Variants in RAI14 observed in about 807,000 individuals in gnomAD.
RAI14 encodes the protein ankycorbin.
A neutral mutation model predicts 115.4 loss-of-function variants in RAI14; 45 were observed. The observed-to-expected ratio is 0.39, with a 90% CI of 0.31 to 0.50. The LOEUF is 0.50. RAI14 is among the 20% of genes least tolerant of loss of function. RAI14 has a pLI of 0.85. For synonymous variants in RAI14, 371 were observed against 415.4 expected (o/e 0.89, Z 1.30); for missense variants, 939 against 1,131.2 (o/e 0.83, Z 2.44).
chr5:34,784,670 G>A (rs767001153), intron 3 of RAI14, among the ~76,000 whole-genome samples: 33 of 152,342 alleles, frequency 2.2e-4, no homozygotes, highest in Admixed American at 9.8e-4. Context: ...AATAACACCA[G>A]TAGGTGAATG....
rs772732814 is a variant in RAI14 at position 34,826,323 on chromosome 5, C to A, written c.2650-7C>A. On this transcript the variant is annotated splice_region_variant and splice_polypyrimidine_tract_variant and intron_variant, in intron 15 of 17. Coordinates refer to ENST00000265109, the MANE Select transcript of RAI14 (RefSeq NM_015577.3). The stretch of plus-strand genomic sequence containing the variant: ...TGTCTGCTAATACCATTTTCCTTTG[C>A]CCCTAGATAAATGAGATGTCGAAGG... 7.4e-6 allele frequency: 12 copies of A among 1,612,530 alleles called. No homozygotes were observed. Among genetic ancestry groups the A allele is most frequent in the Non-Finnish European group, 1.0e-5 (12 of 1,179,180 alleles).
intron 1 of RAI14, among the ~76,000 whole-genome samples, chr5:34,681,856 CTT>C (rs553263716): frequency 4.1e-5 from 5 of 122,178 alleles, no homozygotes; most frequent in Admixed American, 9.0e-5. Flanking sequence ...TTCTTTCTTT[CTT>C]TTTTTTTTTT....
chr5:34,724,237 A>G (rs1037692048), intron 2 of RAI14, among the ~76,000 whole-genome samples: 6 of 152,122 alleles, frequency 3.9e-5, no homozygotes, highest in African/African-American at 1.4e-4. Flanking sequence ...GCTGGTCTTG[A>G]ACTCCTGACC....
At chr5:34,685,437 A>G (rs1252782250) in intron 1 of RAI14, among the ~76,000 whole-genome samples, 1 of 152,134 alleles carries the variant, frequency 6.6e-6, no homozygotes, top group Non-Finnish European at 1.5e-5. Flanking sequence ...GAGTGATACA[A>G]TGGACTGTCA....
At chr5:34,664,993 ATATATATGTG>A (rs1475842258) in intron 1 of RAI14, among the ~76,000 whole-genome samples, 1 of 59,830 alleles carries the variant, frequency 1.7e-5, no homozygotes, top group African/African-American at 5.8e-5. Flanking sequence ...TCATATATAT[ATATATATGTG>A]TATATATATA....
chr5:34,679,417 C>T (rs2149869736), intron 1 of RAI14, among the ~76,000 whole-genome samples: 1 of 151,206 alleles, frequency 6.6e-6, no homozygotes, highest in Non-Finnish European at 1.5e-5. Flanking sequence ...GAAACCCTGA[C>T]CCTGCTAGGA....
chr5:34,769,426 G>A (rs1749861591), intron 3 of RAI14, among the ~76,000 whole-genome samples: 1 of 152,164 alleles, frequency 6.6e-6, no homozygotes, highest in African/African-American at 2.4e-5. Flanking sequence ...CTTACCCTCA[G>A]TATAATCTGA....
intron 1 of RAI14, among the ~76,000 whole-genome samples, chr5:34,658,486 T>C (rs1364514639): frequency 6.6e-6 from 1 of 152,100 alleles, no homozygotes; most frequent in East Asian, 1.9e-4. Flanking sequence ...TTTCCTTTTT[T>C]TTCATCCTTT....
At chr5:34,826,578 T>G in intron 16 of RAI14, 99 bp downstream of exon 16, 2 of 1,429,536 alleles carry the variant, frequency 1.4e-6, no homozygotes, top group African/African-American at 2.9e-5. Context: ...ACAAAAAGAT[T>G]CCCAGCCCAA....
intron 2 of RAI14, among the ~76,000 whole-genome samples, chr5:34,735,836 T>C (rs546656009): frequency 6.6e-6 from 1 of 152,360 alleles, no homozygotes; most frequent in South Asian, 2.1e-4. Context: ...TGCATCTTTT[T>C]GTCTGTACAA....
intron 2 of RAI14, among the ~76,000 whole-genome samples, chr5:34,736,051 T>C (rs1045970493): frequency 3.3e-5 from 5 of 152,238 alleles, no homozygotes; most frequent in South Asian, 2.1e-4. Flanking sequence ...CAGGTCTCGA[T>C]AGGTGGTTTT....
chr5:34,688,297 A>C (rs1481038227), intron 2 of RAI14: 8 of 1,476,008 alleles, frequency 5.4e-6, no homozygotes, highest in Non-Finnish European at 7.4e-6. Context: ...GGGTTTCTAA[A>C]TTTTGTGACC....
intron 5 of RAI14, 35 bp downstream of exon 5, chr5:34,803,811 C>T (rs752224085): frequency 7.7e-5 from 120 of 1,567,294 alleles, no homozygotes; most frequent in South Asian, 1.3e-4. Flanking sequence ...ATAAATGTGT[C>T]GGTTTTACAA....
At chr5:34,688,961 C>T (rs190367047) in intron 2 of RAI14, among the ~76,000 whole-genome samples, 3 of 152,264 alleles carry the variant, frequency 2.0e-5, no homozygotes, top group Admixed American at 6.5e-5. Context: ...ATTTTACAGA[C>T]GAAGAAACTA....
intron 12 of RAI14, among the ~76,000 whole-genome samples, chr5:34,817,949 G>T (rs1756448152): frequency 6.6e-6 from 1 of 152,162 alleles, no homozygotes; most frequent in Non-Finnish European, 1.5e-5. Flanking sequence ...AACTTGGCTG[G>T]ATGCAGTTTA....
At chr5:34,711,983 C>A (rs1260382112) in intron 2 of RAI14, among the ~76,000 whole-genome samples, 1 of 152,050 alleles carries the variant, frequency 6.6e-6, no homozygotes, top group Admixed American at 6.6e-5. Flanking sequence ...ATGCTTGCTG[C>A]CGTCTTGAAC....
At position 34,813,624 on chromosome 5, in the gene RAI14, A is replaced by C. The variant is rs1292482411; in HGVS notation, c.816A>C (p.Lys272Asn). The change falls in exon 11 of 18, where the codon AAA (lysine) becomes AAC (asparagine). Residue 272 changes from lysine (K) to asparagine (N), a missense_variant. Physicochemically the swap from Lys to Asn is moderately conservative, Grantham distance 94. Transcript: ENST00000265109. ...CAGAAAGAAGTGGAACTCCAAAAAA[A>C]CGCAAAGCTCCACCACCTCCTATCA... ...ISSERSGTPKKRKAPPPPISP... is the reference protein window; with the variant it reads ...ISSERSGTPKNRKAPPPPISP... 1 of 1,613,720 alleles carries C rather than the reference A, an allele frequency of 6.2e-7. No homozygotes were observed. The highest frequency in any genetic ancestry group is 1.7e-5 in the Admixed American group (1 of 60,014).
intron 2 of RAI14, among the ~76,000 whole-genome samples, chr5:34,731,685 T>C (rs1744203104): frequency 6.6e-6 from 1 of 152,100 alleles, no homozygotes; most frequent in Non-Finnish European, 1.5e-5. Flanking sequence ...TCAGAACTCA[T>C]CTGGGGAAAA....
intron 3 of RAI14, among the ~76,000 whole-genome samples, chr5:34,772,101 T>C (rs939757777): frequency 2.4e-4 from 37 of 152,246 alleles, no homozygotes; most frequent in Admixed American, 2.0e-3. Context: ...TTTGTAGAGA[T>C]GGGGTTTCAC....
Sources: gnomAD v4.1 joint callset for allele counts (sites outside exome capture counted in the v4.1 genomes callset) on GRCh38, gnomAD v4.1.1 for gene constraint, MANE v1.5 for transcripts, NCBI Gene and HGNC (gene_info 2026-07-23, HGNC 2026-07-21) for gene names.